The following LMNB1 variants were observed in gnomAD, a reference collection of about 807,000 sequenced individuals.
LMNB1 encodes lamin-B1.
LMNB1 carries 23 observed loss-of-function variants against 67.1 expected under a neutral mutation model. The observed-to-expected ratio is 0.34, with a 90% CI of 0.25 to 0.49. The LOEUF (loss-of-function observed/expected upper bound fraction) is 0.49, where lower values mean the gene tolerates loss of function less well. LMNB1 is among the 20% of genes least tolerant of loss of function. The pLI, the probability that LMNB1 is intolerant of heterozygous loss-of-function variation, is 0.99. For missense variants in LMNB1, 634 were observed against 746.5 expected, an observed-to-expected ratio of 0.85 and a Z score of 1.76; for synonymous variants, 281 against 282.9, an observed-to-expected ratio of 0.99 and a Z score of 0.07.
Position 126,781,066 on chromosome 5 carries a change from A to C in LMNB1, c.359+3199A>C, listed in dbSNP as rs1221167257. On this transcript the variant is annotated intron_variant, in intron 1 of 10. Coordinates refer to ENST00000261366, the MANE Select transcript of LMNB1 (RefSeq NM_005573.4). ...CACTTTGAGAGGCCTAGGCAGGTGGATCACCTGAAGTCAGGAGTTCAAGAC... is the reference window on the plus strand; with the variant it reads ...CACTTTGAGAGGCCTAGGCAGGTGGCTCACCTGAAGTCAGGAGTTCAAGAC... 2.0e-5 allele frequency among the ~76,000 whole-genome samples: 3 copies of C among 152,182 alleles called. No individual in the cohort carries two copies. In the East Asian group the frequency reaches 5.8e-4, roughly 29 times the overall value.
intron 1 of LMNB1, among the ~76,000 whole-genome samples, chr5:126,787,620 G>A (rs1375006335): frequency 5.0e-5 from 7 of 139,306 alleles, no homozygotes; most frequent in East Asian, 2.1e-4. Flanking sequence ...GTGTGGTCTC[G>A]GCTCACTGCA....
At position 126,836,979 on chromosome 5, in the gene LMNB1, C is replaced by A. The variant is rs995067861; in HGVS notation, c.*715C>A. The A allele has an allele frequency of 1.8e-5, 7 of 397,806 alleles. No individual in the cohort carries two copies. The highest frequency in any genetic ancestry group is 1.4e-4 in the African/African-American group (7 of 48,530). The allele number at this position is 397,806 out of a possible 1,614,324, so 24.6% of individuals were successfully genotyped here. A position where few individuals can be genotyped will look rare whatever the true frequency, so the allele number is the denominator to read the frequency against. On this transcript the variant is annotated 3_prime_UTR_variant, in exon 11 of 11. Coordinates refer to ENST00000261366, the MANE Select transcript of LMNB1 (RefSeq NM_005573.4). ...AAGATAGTGTAACTTGCTTAAATTT[C>A]TTATGTGACATTAACAAATAAAAAA...
chr5:126,804,958 G>A (rs377227306), intron 2 of LMNB1, 26 bp downstream of exon 2: 90 of 1,594,594 alleles, frequency 5.6e-5, no homozygotes, highest in African/African-American at 3.0e-4. Context: ...CTCTTGAGCC[G>A]TATGTGACAG....
Position 126,820,125 on chromosome 5 carries a change from A to G in LMNB1, c.1161-785A>G, listed in dbSNP as rs111644095. ...CCATTGCACTCCAGCCTGGGTGACAAGAGTGAAACTCTGTCTCACAAAAAA... is the reference window on the plus strand; with the variant it reads ...CCATTGCACTCCAGCCTGGGTGACAGGAGTGAAACTCTGTCTCACAAAAAA... On this transcript the variant is annotated intron_variant, in intron 6 of 10. Transcript: ENST00000261366. Among the ~76,000 whole-genome samples the G allele has an allele frequency of 2.6e-3, 396 of 152,266 alleles. 3 individuals carry two copies. Among genetic ancestry groups the G allele is most frequent in the African/African-American group, 8.5e-3 (354 of 41,558 alleles).
At chr5:126,802,354 T>C (rs1227893672) in intron 1 of LMNB1, among the ~76,000 whole-genome samples, 1 of 152,222 alleles carries the variant, frequency 6.6e-6, no homozygotes, top group Admixed American at 6.5e-5. Context: ...TAAGTAAAAG[T>C]ACTCTTTTAC....
intron 1 of LMNB1, among the ~76,000 whole-genome samples, chr5:126,799,008 A>C (rs897455444): frequency 6.7e-6 from 1 of 149,832 alleles, no homozygotes; most frequent in African/African-American, 2.4e-5. Context: ...TAGCCACTTC[A>C]TGATGCATTG....
intron 1 of LMNB1, among the ~76,000 whole-genome samples, chr5:126,803,497 C>G (rs1299054103): frequency 6.6e-6 from 1 of 152,100 alleles, no homozygotes; most frequent in Non-Finnish European, 1.5e-5. Flanking sequence ...ATCCGCCCAC[C>G]TCAGCCTCCC....
At chr5:126,812,840 C>G (rs562627945) in intron 5 of LMNB1, among the ~76,000 whole-genome samples, 1 of 151,068 alleles carries the variant, frequency 6.6e-6, no homozygotes, top group South Asian at 2.1e-4. Flanking sequence ...ACGCCATTCT[C>G]CTGCCTCAGC....
intron 1 of LMNB1, among the ~76,000 whole-genome samples, chr5:126,802,136 C>T (rs949970943): frequency 5.9e-5 from 9 of 151,972 alleles, no homozygotes; most frequent in Non-Finnish European, 1.3e-4. Flanking sequence ...TAAAGCCTGC[C>T]ATCGTGTGGT....
At chr5:126,799,617 T>TA (rs1002428911) in intron 1 of LMNB1, among the ~76,000 whole-genome samples, 2 of 152,216 alleles carry the variant, frequency 1.3e-5, no homozygotes, top group African/African-American at 4.8e-5. Flanking sequence ...AAGGGAATAC[T>TA]AAAAACGCAC....
Position 126,836,235 on chromosome 5 carries a change from G to A in LMNB1, c.1732G>A (p.Ala578Thr). 1 of 1,609,648 alleles carries A rather than the reference G, an allele frequency of 6.2e-7. No homozygotes were observed. The highest frequency in any genetic ancestry group is 8.5e-7 in the Non-Finnish European group (1 of 1,176,180). Residue 578 changes from alanine (A) to threonine (T), a missense_variant, in exon 11 of 11, where the codon GCA (alanine) becomes ACA (threonine). Physicochemically the swap from Ala to Thr is moderately conservative, Grantham distance 58 (BLOSUM62 0). Coordinates refer to ENST00000261366, the MANE Select transcript of LMNB1 (RefSeq NM_005573.4). ...ELFHQQGTPR[A>T]SNRSCAIM ...TTTTCCTCATCAGGGAACCCCAAGA[G>A]CATCCAATAGAAGCTGTGCAATTAT...
At chr5:126,785,451 C>T (rs1169837929) in intron 1 of LMNB1, among the ~76,000 whole-genome samples, 2 of 150,822 alleles carry the variant, frequency 1.3e-5, no homozygotes, top group Non-Finnish European at 1.5e-5. Flanking sequence ...GCCACCACGT[C>T]GGCTAATTTT....
chr5:126,781,772 A>C (rs1277320932), intron 1 of LMNB1, among the ~76,000 whole-genome samples: 2 of 152,184 alleles, frequency 1.3e-5, no homozygotes, highest in Non-Finnish European at 2.9e-5. Flanking sequence ...GAGTGTTTGT[A>C]ATTAAGTATA....
intron 5 of LMNB1, among the ~76,000 whole-genome samples, chr5:126,812,912 G>A (rs1021002051): frequency 5.3e-5 from 8 of 151,748 alleles, no homozygotes; most frequent in Non-Finnish European, 8.8e-5. Flanking sequence ...TGTATTTTTA[G>A]TAGAGACGGG....
At chr5:126,812,409 C>G (rs748089223) in intron 5 of LMNB1, among the ~76,000 whole-genome samples, 1 of 152,210 alleles carries the variant, frequency 6.6e-6, no homozygotes, top group Non-Finnish European at 1.5e-5. Context: ...AATTTAGTGA[C>G]TCATTCATTC....
chr5:126,815,511 A>G (rs1248585281), intron 5 of LMNB1, among the ~76,000 whole-genome samples: 1 of 152,164 alleles, frequency 6.6e-6, no homozygotes, highest in Non-Finnish European at 1.5e-5. Flanking sequence ...GATTCTGGAG[A>G]CTTTGGTTGC....
chr5:126,818,862 C>A, intron 5 of LMNB1, 60 bp from the exon 6 acceptor site: 1 of 1,149,350 alleles, frequency 8.7e-7, no homozygotes, highest in Non-Finnish European at 1.3e-6. Flanking sequence ...TTTAAAATAG[C>A]TGCCTGGTGC....
intron 1 of LMNB1, among the ~76,000 whole-genome samples, chr5:126,800,366 A>G (rs988432452): frequency 2.6e-5 from 4 of 152,286 alleles, no homozygotes; most frequent in Admixed American, 1.3e-4. Flanking sequence ...TTACAGAGGA[A>G]GGATGACATT....
intron 1 of LMNB1, among the ~76,000 whole-genome samples, chr5:126,787,546 A>ATTTT (rs142332901): frequency 1.5e-5 from 1 of 65,582 alleles, no homozygotes; most frequent in African/African-American, 6.6e-5. Flanking sequence ...ATATATATAT[A>ATTTT]TTTTTTTTTT....
Sources: gnomAD v4.1 joint callset for allele counts (sites outside exome capture counted in the v4.1 genomes callset) on GRCh38, gnomAD v4.1.1 for gene constraint, MANE v1.5 for transcripts, NCBI Gene and HGNC (gene_info 2026-07-23, HGNC 2026-07-21) for gene names.